Variants in SYDE2 observed in about 807,000 individuals in gnomAD.
The protein encoded by SYDE2 is synapse defective Rho GTPase homolog 2, also known as rho GTPase-activating protein SYDE2.
A neutral mutation model predicts 91.5 loss-of-function variants in SYDE2; 76 were observed. That is an observed-to-expected ratio of 0.83 (90% CI 0.69 to 1.01). SYDE2 has a LOEUF of 1.01. SYDE2 is among the 50% of genes least tolerant of loss of function. The pLI, the probability that SYDE2 is intolerant of heterozygous loss-of-function variation, is 0.00. For missense variants in SYDE2, 1,364 were observed against 1,367.7 expected, an observed-to-expected ratio of 1.00 and a Z score of 0.04; for synonymous variants, 513 against 506.4, an observed-to-expected ratio of 1.01 and a Z score of -0.18.
At chr1:85,186,168 C>T (rs1220045294) in intron 2 of SYDE2, among the ~76,000 whole-genome samples, 3 of 151,998 alleles carry the variant, frequency 2.0e-5, no homozygotes, top group Non-Finnish European at 4.4e-5. Flanking sequence ...GGTGGATAAG[C>T]TTTTTGATGT....
intron 4 of SYDE2, among the ~76,000 whole-genome samples, chr1:85,175,953 C>T (rs898858966): frequency 1.3e-5 from 2 of 152,244 alleles, no homozygotes; most frequent in Admixed American, 1.3e-4. Flanking sequence ...TTATAAATTA[C>T]AGAAACTCTC....
At chr1:85,166,511 A>G (rs1230949624) in intron 5 of SYDE2, among the ~76,000 whole-genome samples, 6 of 152,128 alleles carry the variant, frequency 3.9e-5, no homozygotes, top group Non-Finnish European at 8.8e-5. Flanking sequence ...GAACAAGTCC[A>G]GCAAGATGAG....
At chr1:85,160,503 T>G (rs1657021260) in intron 6 of SYDE2, 1 of 973,438 alleles carries the variant, frequency 1.0e-6, no homozygotes, top group Non-Finnish European at 1.2e-6. Context: ...AAAAGCTATT[T>G]ACTTTAAATT....
chr1:85,175,517 G>T (rs1321263692), intron 4 of SYDE2, among the ~76,000 whole-genome samples: 1 of 152,040 alleles, frequency 6.6e-6, no homozygotes, highest in Non-Finnish European at 1.5e-5. Context: ...ATTACGAATG[G>T]ATTTTATACC....
intron 6 of SYDE2, chr1:85,160,820 AT>A: frequency 3.0e-6 from 3 of 985,314 alleles, no homozygotes; most frequent in Non-Finnish European, 3.6e-6. Context: ...TTGTGCCTGC[AT>A]TTTCAGACAT....
At chr1:85,180,137 T>C (rs1657856478) in intron 3 of SYDE2, among the ~76,000 whole-genome samples, 1 of 152,178 alleles carries the variant, frequency 6.6e-6, no homozygotes, top group African/African-American at 2.4e-5. Context: ...TGGGTGGTAG[T>C]AGCACTCAAA....
intron 1 of SYDE2, chr1:85,194,732 C>A: frequency 1.3e-6 from 1 of 749,780 alleles, no homozygotes; most frequent in Non-Finnish European, 1.6e-6. Flanking sequence ...GGTGAACTAC[C>A]CAAGTCAATT....
chr1:85,164,452 G>C, intron 6 of SYDE2, 74 bp downstream of exon 6: 1 of 1,066,708 alleles, frequency 9.4e-7, no homozygotes, highest in Non-Finnish European at 1.3e-6. Context: ...AATCATATAT[G>C]AGCATATTTA....
At chr1:85,168,674 C>T (rs1657388927) in intron 5 of SYDE2, among the ~76,000 whole-genome samples, 1 of 152,004 alleles carries the variant, frequency 6.6e-6, no homozygotes, top group Non-Finnish European at 1.5e-5. Context: ...GGAGACACAC[C>T]AAAATGTTAA....
Position 85,190,400 on chromosome 1 carries a change from A to C in SYDE2, c.1098T>G (p.Asp366Glu). ...LDFNEENDADDEGEIWYNPIP... is the reference protein window; with the variant it reads ...LDFNEENDADEEGEIWYNPIP... Reference sequence around the variant, plus strand: ...TGGGATTGTACCATATTTCTCCTTCATCATCTGCATCATTTTCCTCATTAA... The same window carrying C: ...TGGGATTGTACCATATTTCTCCTTCCTCATCTGCATCATTTTCCTCATTAA... Residue 366 changes from aspartate (D) to glutamate (E), a missense_variant, in exon 2 of 7, where the codon GAT becomes GAG. By Grantham distance (45) the Asp-to-Glu change is conservative. Coordinates refer to ENST00000341460, the MANE Select transcript of SYDE2 (RefSeq NM_032184.2). 2 of 1,613,812 alleles carry C rather than the reference A, an allele frequency of 1.2e-6. No homozygotes were observed. Among genetic ancestry groups the C allele is most frequent in the Non-Finnish European group, 1.7e-6 (2 of 1,179,822 alleles).
At chr1:85,153,821 A>G (rs1344059376), downstream of SYDE2, 1 of 152,144 alleles carries the variant, frequency 6.6e-6, no homozygotes, top group Admixed American at 6.5e-5. Flanking sequence ...ATTTAAAAAG[A>G]GGTATGACAT....
At chr1:85,193,218 A>G (rs756652597) in intron 1 of SYDE2, among the ~76,000 whole-genome samples, 13 of 152,244 alleles carry the variant, frequency 8.5e-5, no homozygotes, top group Non-Finnish European at 1.6e-4. Context: ...TTCAGTGATC[A>G]CATGATTTTG....
downstream of SYDE2, among the ~76,000 whole-genome samples, chr1:85,155,271 C>G (rs1359393544): frequency 6.6e-6 from 1 of 151,934 alleles, no homozygotes; most frequent in Non-Finnish European, 1.5e-5. Flanking sequence ...TAAAAGCACT[C>G]TGAACAAATC....
intron 4 of SYDE2, among the ~76,000 whole-genome samples, chr1:85,174,494 A>G (rs1657617566): frequency 6.6e-6 from 1 of 152,228 alleles, no homozygotes; most frequent in South Asian, 2.1e-4. Context: ...GAATATGCAC[A>G]TATACAAAAT....
At chr1:85,171,064 T>C (rs886879053) in intron 4 of SYDE2, among the ~76,000 whole-genome samples, 10 of 152,108 alleles carry the variant, frequency 6.6e-5, no homozygotes, top group Admixed American at 3.3e-4. Context: ...CTATTTCAAA[T>C]AGAGAACGCA....
chr1:85,194,180 C>A (rs1553173553), intron 1 of SYDE2, among the ~76,000 whole-genome samples: 1 of 151,416 alleles, frequency 6.6e-6, no homozygotes, highest in Non-Finnish European at 1.5e-5. Flanking sequence ...TTTTATCTCA[C>A]TTAAATTAAA....
chr1:85,188,898 T>A (rs906937450), intron 2 of SYDE2, among the ~76,000 whole-genome samples: 2 of 152,194 alleles, frequency 1.3e-5, no homozygotes, highest in African/African-American at 4.8e-5. Context: ...ACTGACAGCA[T>A]CTCCTATACC....
At position 85,182,159 on chromosome 1, in the gene SYDE2, C is replaced by T; in HGVS notation, c.2483G>A (p.Gly828Glu). Residue 828 changes from glycine to glutamate, a missense_variant, in exon 3 of 7, where the codon GGA becomes GAA. Gly to Glu is a moderately conservative substitution (Grantham distance 98, BLOSUM62 -2). Transcript: ENST00000341460. ...CTGTATCAGAAGGGGCACCATCAGT[C>T]CTATATTTTCTTTCTCTACAACTTT... ...IQKVVEKENI[G>E]LMVPLLIQKC... 6.2e-7 allele frequency: 1 copy of T among 1,604,802 alleles called. No homozygotes were observed. Among genetic ancestry groups the T allele is most frequent in the Non-Finnish European group, 8.5e-7 (1 of 1,175,244 alleles).
downstream of SYDE2, chr1:85,153,549 G>A (rs781023541): frequency 1.3e-5 from 2 of 152,192 alleles, no homozygotes; most frequent in Non-Finnish European, 2.9e-5. Flanking sequence ...AAGAAAGGAT[G>A]CAAGCTAATT....
Sources: gnomAD v4.1 joint callset for allele counts (sites outside exome capture counted in the v4.1 genomes callset) on GRCh38, gnomAD v4.1.1 for gene constraint, MANE v1.5 for transcripts, NCBI Gene and HGNC (gene_info 2026-07-23, HGNC 2026-07-21) for gene names.